Variants in ST6GALNAC3 observed in about 807,000 individuals in gnomAD.
The protein encoded by ST6GALNAC3 is alpha-N-acetylgalactosaminide alpha-2,6-sialyltransferase 3.
ST6GALNAC3 carries 25 observed loss-of-function variants against 32.7 expected under a neutral mutation model. The observed-to-expected ratio is 0.76, with a 90% CI of 0.56 to 1.07. The LOEUF is 1.07. Among genes scored for constraint, ST6GALNAC3 ranks in the 50% least tolerant of loss-of-function variants. ST6GALNAC3 has a pLI of 0.00. For missense variants in ST6GALNAC3, 355 were observed against 382.4 expected, an observed-to-expected ratio of 0.93 and a Z score of 0.60; for synonymous variants, 129 against 133.1, an observed-to-expected ratio of 0.97 and a Z score of 0.21.
intron 1 of ST6GALNAC3, among the ~76,000 whole-genome samples, chr1:76,302,551 A>ACAAT (rs1455547135): frequency 4.6e-5 from 7 of 152,002 alleles, no homozygotes; most frequent in African/African-American, 1.7e-4. Context: ...AGTGTGACTA[A>ACAAT]CAATCGATGG....
chr1:76,112,874 G>A (rs1490825339), intron 1 of ST6GALNAC3, among the ~76,000 whole-genome samples: 1 of 151,460 alleles, frequency 6.6e-6, no homozygotes, highest in African/African-American at 2.4e-5. Context: ...AGGCAGAGAG[G>A]CTCCTCACAT....
chr1:76,287,810 G>A lies in ST6GALNAC3; in HGVS notation c.19-25995G>A, dbSNP rs1035917258. On this transcript the variant is annotated intron_variant, in intron 1 of 4. Coordinates refer to ENST00000328299, the MANE Select transcript of ST6GALNAC3 (RefSeq NM_152996.4). ...TTCTTTCTTGATTATATGCACCTTT[G>A]CAAACAATAGTACAGTTAGCAACAC... Among the ~76,000 whole-genome samples the A allele has an allele frequency of 7.9e-5, 12 of 152,280 alleles. No homozygotes were observed. In the East Asian group the frequency reaches 2.3e-3, roughly 29 times the overall value.
chr1:76,302,541 A>G (rs974308421), intron 1 of ST6GALNAC3, among the ~76,000 whole-genome samples: 1 of 152,032 alleles, frequency 6.6e-6, no homozygotes, highest in African/African-American at 2.4e-5. Flanking sequence ...TTAGAGTAAC[A>G]GTGTGACTAA....
chr1:76,439,016 G>C (rs1003027265), intron 3 of ST6GALNAC3, among the ~76,000 whole-genome samples: 2 of 152,216 alleles, frequency 1.3e-5, no homozygotes, highest in Non-Finnish European at 2.9e-5. Context: ...GTGATGTTAT[G>C]ATGAGTTAAA....
chr1:76,455,483 AT>A (rs1319165636), intron 3 of ST6GALNAC3, among the ~76,000 whole-genome samples: 1 of 152,188 alleles, frequency 6.6e-6, no homozygotes, highest in African/African-American at 2.4e-5. Context: ...CTAGAGAGAC[AT>A]TGAATTTTTT....
chr1:76,501,616 A>G (rs1661180674), intron 3 of ST6GALNAC3, among the ~76,000 whole-genome samples: 1 of 152,210 alleles, frequency 6.6e-6, no homozygotes, highest in Admixed American at 6.5e-5. Context: ...GTTTTTCCAA[A>G]TAAATTAAAC....
intron 1 of ST6GALNAC3, among the ~76,000 whole-genome samples, chr1:76,123,665 A>G (rs1463578457): frequency 6.6e-6 from 1 of 151,960 alleles, no homozygotes; most frequent in Non-Finnish European, 1.5e-5. Context: ...GCTTTCACCT[A>G]TCGAATACTG....
chr1:76,621,311 T>C (rs897884447), intron 3 of ST6GALNAC3, among the ~76,000 whole-genome samples: 59 of 152,098 alleles, frequency 3.9e-4, no homozygotes, highest in African/African-American at 1.4e-3. Flanking sequence ...CCATTTTTTG[T>C]TATTTTTCAG....
At chr1:76,508,264 T>G (rs1661604126) in intron 3 of ST6GALNAC3, among the ~76,000 whole-genome samples, 1 of 152,126 alleles carries the variant, frequency 6.6e-6, no homozygotes, top group African/African-American at 2.4e-5. Context: ...CCTGTGAGAA[T>G]CTAATGCTGC....
At chr1:76,575,037 A>T (rs1486896087) in intron 3 of ST6GALNAC3, among the ~76,000 whole-genome samples, 3 of 152,108 alleles carry the variant, frequency 2.0e-5, no homozygotes, top group African/African-American at 7.2e-5. Context: ...TTGCAGTTTG[A>T]AGCAGCCAAA....
At chr1:76,500,611 A>G (rs1396241988) in intron 3 of ST6GALNAC3, among the ~76,000 whole-genome samples, 1 of 152,212 alleles carries the variant, frequency 6.6e-6, no homozygotes, top group Admixed American at 6.5e-5. Flanking sequence ...AATCAATGTC[A>G]CAGGTGACCA....
chr1:76,334,808 A>G (rs1257204477), intron 2 of ST6GALNAC3, among the ~76,000 whole-genome samples: 1 of 152,032 alleles, frequency 6.6e-6, no homozygotes, highest in African/African-American at 2.4e-5. Flanking sequence ...ACACCAATTG[A>G]TGGGCCCCAG....
At chr1:76,250,378 G>A (rs930541771) in intron 1 of ST6GALNAC3, among the ~76,000 whole-genome samples, 1 of 152,174 alleles carries the variant, frequency 6.6e-6, no homozygotes, top group Admixed American at 6.5e-5. Context: ...GGACACTGCA[G>A]CAATTGCTTT....
In ST6GALNAC3 at chr1:76,260,455, G is replaced by A. The variant is rs866228019; in HGVS notation, c.19-53350G>A. Among the ~76,000 whole-genome samples, 8 of 152,276 alleles carry A rather than the reference G, an allele frequency of 5.3e-5. 1 individual carries two copies. In the Middle Eastern group the frequency reaches 0.027, roughly 518 times the overall value. ...TTATTGAACACTTGCTATGTACAGG[G>A]TACTGTGCTCAGCACTTTCCACTAT... On this transcript the variant is annotated intron_variant, in intron 1 of 4. Transcript: ENST00000328299.
intron 3 of ST6GALNAC3, among the ~76,000 whole-genome samples, chr1:76,575,436 C>G (rs1252438045): frequency 6.6e-6 from 1 of 152,012 alleles, no homozygotes; most frequent in Non-Finnish European, 1.5e-5. Context: ...CAGACACAAT[C>G]GTTAGTACTA....
intron 1 of ST6GALNAC3, among the ~76,000 whole-genome samples, chr1:76,129,574 G>A (rs1025117838): frequency 2.0e-4 from 30 of 152,158 alleles, no homozygotes; most frequent in African/African-American, 7.2e-4. Flanking sequence ...CCATTCCACT[G>A]TTCTGTGGCT....
At chr1:76,560,522 A>G (rs1276446749) in intron 3 of ST6GALNAC3, among the ~76,000 whole-genome samples, 1 of 152,196 alleles carries the variant, frequency 6.6e-6, no homozygotes, top group Admixed American at 6.5e-5. Flanking sequence ...AATGAGCAAA[A>G]TATTTGAATA....
chr1:76,521,424 A>G (rs1662530764), intron 3 of ST6GALNAC3, among the ~76,000 whole-genome samples: 1 of 152,086 alleles, frequency 6.6e-6, no homozygotes, highest in African/African-American at 2.4e-5. Context: ...CTAAGTGGGC[A>G]ACTGAGCTTA....
At chr1:76,524,195 G>A (rs1414456003) in intron 3 of ST6GALNAC3, among the ~76,000 whole-genome samples, 1 of 152,092 alleles carries the variant, frequency 6.6e-6, no homozygotes, top group East Asian at 1.9e-4. Flanking sequence ...ATTTCTATTA[G>A]TTTACTGCTC....
Sources: allele counts gnomAD v4.1 joint callset (sites outside exome capture counted in the v4.1 genomes callset), GRCh38; gene constraint gnomAD v4.1.1; transcripts MANE v1.5; gene names NCBI Gene and HGNC (gene_info 2026-07-23, HGNC 2026-07-21).